The following VTI1A variants were observed in gnomAD, a reference collection of about 807,000 sequenced individuals.
VTI1A encodes the protein vesicle transport through interaction with t-SNAREs homolog 1A.
Under a neutral mutation model 34.9 loss-of-function variants are expected in VTI1A, and 22 were observed. That is an observed-to-expected ratio of 0.63 (90% CI 0.45 to 0.90). VTI1A has a LOEUF of 0.90. Among genes scored for constraint, VTI1A ranks in the 40% least tolerant of loss-of-function variants. The pLI is 0.00. For synonymous variants in VTI1A, 87 were observed against 97.3 expected (o/e 0.89, Z 0.62); for missense variants, 268 against 275.6 (o/e 0.97, Z 0.20).
At chr10:112,703,809 C>T (rs118129260) in intron 7 of VTI1A, among the ~76,000 whole-genome samples, 21 of 152,218 alleles carry the variant, frequency 1.4e-4, no homozygotes, top group South Asian at 8.3e-4. Flanking sequence ...GATAGATGCA[C>T]TGTAGAGTGT....
At chr10:112,782,084 G>A (rs1852147678) in intron 7 of VTI1A, among the ~76,000 whole-genome samples, 1 of 152,192 alleles carries the variant, frequency 6.6e-6, no homozygotes, top group Non-Finnish European at 1.5e-5. Flanking sequence ...GATTACCACA[G>A]TTTAAAACTC....
intron 5 of VTI1A, among the ~76,000 whole-genome samples, chr10:112,602,102 C>T (rs1040875468): frequency 6.6e-6 from 1 of 152,138 alleles, no homozygotes; most frequent in Non-Finnish European, 1.5e-5. Flanking sequence ...ATAGAATGCA[C>T]TTTTTAATGT....
At chr10:112,834,259 A>T in the VTI1A span, among the ~76,000 whole-genome samples, 4 of 152,080 alleles carry the variant, frequency 2.6e-5, no homozygotes, top group African/African-American at 9.7e-5. Context: ...TGTTCATGAG[A>T]CATTACCCAT....
chr10:112,581,043 G>A (rs575055032), intron 5 of VTI1A, among the ~76,000 whole-genome samples: 1 of 152,248 alleles, frequency 6.6e-6, no homozygotes, highest in South Asian at 2.1e-4. Flanking sequence ...CATGCACCCT[G>A]CATAGTTCCT....
At chr10:112,580,042 A>G (rs750448940) in intron 5 of VTI1A, among the ~76,000 whole-genome samples, 3 of 152,188 alleles carry the variant, frequency 2.0e-5, no homozygotes, top group Middle Eastern at 6.8e-3. Flanking sequence ...GATTAGAATT[A>G]TTATTTTTTT....
intron 5 of VTI1A, among the ~76,000 whole-genome samples, chr10:112,657,669 C>T (rs1847281430): frequency 6.6e-6 from 1 of 152,082 alleles, no homozygotes; most frequent in Non-Finnish European, 1.5e-5. Context: ...GAAGAAAATA[C>T]AGGGACAAAT....
At chr10:112,755,409 C>T (rs1296019274) in intron 7 of VTI1A, among the ~76,000 whole-genome samples, 2 of 152,212 alleles carry the variant, frequency 1.3e-5, no homozygotes, top group Non-Finnish European at 2.9e-5. Flanking sequence ...GCCACACTAT[C>T]CACCTTCAGT....
At chr10:112,762,026 T>G (rs1300175029) in intron 7 of VTI1A, among the ~76,000 whole-genome samples, 1 of 152,218 alleles carries the variant, frequency 6.6e-6, no homozygotes, top group Non-Finnish European at 1.5e-5. Context: ...CTTTGACAGT[T>G]GTTGCACTGG....
intron 3 of VTI1A, among the ~76,000 whole-genome samples, chr10:112,476,469 G>A (rs1259705459): frequency 2.0e-5 from 3 of 152,074 alleles, no homozygotes; most frequent in East Asian, 1.9e-4. Context: ...TTTTATGAAC[G>A]TACTTGCTAG....
intron 5 of VTI1A, among the ~76,000 whole-genome samples, chr10:112,612,173 A>C (rs1310235300): frequency 6.6e-6 from 1 of 152,182 alleles, no homozygotes; most frequent in Non-Finnish European, 1.5e-5. Flanking sequence ...TGTGACTAAA[A>C]AAGTGTCTAC....
At chr10:112,502,024 C>CTTTT (rs71489973) in intron 3 of VTI1A, among the ~76,000 whole-genome samples, 2 of 119,328 alleles carry the variant, frequency 1.7e-5, no homozygotes, top group African/African-American at 6.2e-5. Flanking sequence ...AGAATCCTTA[C>CTTTT]TTTTTTTTTT....
At chr10:112,575,581 T>A (rs1373342931) in intron 5 of VTI1A, among the ~76,000 whole-genome samples, 2 of 152,228 alleles carry the variant, frequency 1.3e-5, no homozygotes, top group Non-Finnish European at 2.9e-5. Flanking sequence ...TAGGGAAACA[T>A]GCTGGCTCTG....
intron 5 of VTI1A, among the ~76,000 whole-genome samples, chr10:112,648,737 G>A (rs1846897456): frequency 6.6e-6 from 1 of 152,016 alleles, no homozygotes; most frequent in Non-Finnish European, 1.5e-5. Flanking sequence ...AGTATTTTGA[G>A]CCTCTAACTT....
At chr10:112,588,333 T>TA (rs1844243893) in intron 5 of VTI1A, among the ~76,000 whole-genome samples, 1 of 151,872 alleles carries the variant, frequency 6.6e-6, no homozygotes, top group Non-Finnish European at 1.5e-5. Flanking sequence ...AATAAATAAA[T>TA]AAAAACTTAA....
At chr10:112,453,696 C>T (rs147861197) in intron 1 of VTI1A, among the ~76,000 whole-genome samples, 1 of 151,858 alleles carries the variant, frequency 6.6e-6, no homozygotes, top group Non-Finnish European at 1.5e-5. Context: ...GACTATATTG[C>T]TTTCTGATAG....
chr10:112,737,036 C>T lies in VTI1A; in HGVS notation c.560+68038C>T, dbSNP rs114628935. On this transcript the variant is annotated intron_variant, in intron 7 of 7. Coordinates refer to ENST00000393077, the MANE Select transcript of VTI1A (RefSeq NM_145206.4). Reference sequence around the variant, plus strand: ...ATTCTGTAATAATCAAGGGAGAAACCCATTACATAGTGGACAATTTTTTTT... The same window carrying T: ...ATTCTGTAATAATCAAGGGAGAAACTCATTACATAGTGGACAATTTTTTTT... The T allele has an allele frequency of 1.3e-3, 626 of 484,790 alleles. 1 individual carries two copies. Among genetic ancestry groups the T allele is most frequent in the African/African-American group, 0.01 (537 of 51,560 alleles). The allele number at this position is 484,790 out of a possible 1,614,324, so 30.0% of individuals were successfully genotyped here. A position where few individuals can be genotyped will look rare whatever the true frequency, so the allele number is the denominator to read the frequency against.
chr10:112,531,493 A>C (rs1006706039), intron 4 of VTI1A, among the ~76,000 whole-genome samples: 1 of 152,000 alleles, frequency 6.6e-6, no homozygotes. Context: ...AAAAAAAAAA[A>C]AAAGAAAAAA....
At chr10:112,479,676 C>T (rs1426017151) in intron 3 of VTI1A, among the ~76,000 whole-genome samples, 3 of 152,136 alleles carry the variant, frequency 2.0e-5, no homozygotes, top group Admixed American at 1.3e-4. Flanking sequence ...GTAACTCATC[C>T]CATTCAACTT....
At chr10:112,512,673 T>G (rs1849653447) in intron 3 of VTI1A, among the ~76,000 whole-genome samples, 1 of 152,168 alleles carries the variant, frequency 6.6e-6, no homozygotes, top group Non-Finnish European at 1.5e-5. Context: ...TTTTCATAGT[T>G]TGGAGTCTTG....
Sources: gnomAD v4.1 joint callset for allele counts (sites outside exome capture counted in the v4.1 genomes callset) on GRCh38, gnomAD v4.1.1 for gene constraint, MANE v1.5 for transcripts, NCBI Gene and HGNC (gene_info 2026-07-23, HGNC 2026-07-21) for gene names.